The following GLCE variants were observed in gnomAD, a reference collection of about 807,000 sequenced individuals.
GLCE encodes glucuronic acid epimerase.
A neutral mutation model predicts 47.9 loss-of-function variants in GLCE; 19 were observed. That is an observed-to-expected ratio of 0.40 (90% CI 0.28 to 0.58). GLCE has a LOEUF of 0.58. GLCE is among the 20% of genes least tolerant of loss of function. The pLI, the probability that GLCE is intolerant of heterozygous loss-of-function variation, is 0.48. For missense variants in GLCE, 556 were observed against 743.3 expected, an observed-to-expected ratio of 0.75 and a Z score of 2.93; for synonymous variants, 245 against 263.4, an observed-to-expected ratio of 0.93 and a Z score of 0.68.
chr15:69,236,236 A>G (rs137975633), intron 2 of GLCE, among the ~76,000 whole-genome samples: 66 of 152,306 alleles, frequency 4.3e-4, no homozygotes, highest in African/African-American at 1.5e-3. Context: ...GTAACCATAC[A>G]TGTTCATAAC....
chr15:69,183,537 C>T (rs943437174), intron 1 of GLCE, among the ~76,000 whole-genome samples: 4 of 152,240 alleles, frequency 2.6e-5, no homozygotes, highest in South Asian at 2.1e-4. Context: ...ATGTGCTAGA[C>T]GCCATAACTC....
chr15:69,200,377 G>A (rs934991468), intron 1 of GLCE, among the ~76,000 whole-genome samples: 1 of 152,062 alleles, frequency 6.6e-6, no homozygotes, highest in Non-Finnish European at 1.5e-5. Context: ...TTTCAGTTTG[G>A]GTCCTTGGTA....
chr15:69,183,541 A>G (rs1212124906), intron 1 of GLCE, among the ~76,000 whole-genome samples: 3 of 152,260 alleles, frequency 2.0e-5, no homozygotes, highest in Non-Finnish European at 2.9e-5. Context: ...GCTAGACGCC[A>G]TAACTCATAC....
chr15:69,187,472 A>G (rs2051841328), intron 1 of GLCE, among the ~76,000 whole-genome samples: 1 of 152,180 alleles, frequency 6.6e-6, no homozygotes, highest in African/African-American at 2.4e-5. Context: ...AAACATTGAA[A>G]CATAGAGATT....
At chr15:69,218,293 T>C (rs2052334404) in intron 2 of GLCE, among the ~76,000 whole-genome samples, 1 of 152,020 alleles carries the variant, frequency 6.6e-6, no homozygotes, top group Non-Finnish European at 1.5e-5. Context: ...GTGGATTCCT[T>C]GAGCTCAGGA....
At chr15:69,166,597 A>T (rs749992419) in intron 1 of GLCE, among the ~76,000 whole-genome samples, 10 of 152,138 alleles carry the variant, frequency 6.6e-5, no homozygotes, top group Non-Finnish European at 1.3e-4. Context: ...TTTCTTTGTT[A>T]AGCTGGTTGT....
At chr15:69,189,769 A>G (rs545293240) in intron 1 of GLCE, among the ~76,000 whole-genome samples, 1 of 152,192 alleles carries the variant, frequency 6.6e-6, no homozygotes, top group East Asian at 1.9e-4. Flanking sequence ...CCTTCAGAAG[A>G]GGAGGACACA....
chr15:69,166,565 A>G (rs2051504467), intron 1 of GLCE, among the ~76,000 whole-genome samples: 1 of 152,178 alleles, frequency 6.6e-6, no homozygotes. Flanking sequence ...TGAAGATCAC[A>G]CAGTTAGTTG....
At chr15:69,211,372 T>C (rs989881709) in intron 2 of GLCE, among the ~76,000 whole-genome samples, 6 of 152,032 alleles carry the variant, frequency 3.9e-5, no homozygotes, top group Non-Finnish European at 7.4e-5. Context: ...AGAGTGATGA[T>C]TGTGTGTTTT....
At chr15:69,209,552 G>A (rs1047495807) in intron 1 of GLCE, among the ~76,000 whole-genome samples, 26 of 152,020 alleles carry the variant, frequency 1.7e-4, no homozygotes, top group African/African-American at 5.6e-4. Flanking sequence ...GAACTTGAGG[G>A]GTCGTCTGTT....
chr15:69,198,101 A>G (rs2052022111), intron 1 of GLCE, among the ~76,000 whole-genome samples: 1 of 152,008 alleles, frequency 6.6e-6, no homozygotes, highest in Admixed American at 6.6e-5. Flanking sequence ...TACCCCTCAC[A>G]TGTATACTTT....
At chr15:69,174,741 A>G (rs1385233969) in intron 1 of GLCE, among the ~76,000 whole-genome samples, 1 of 152,220 alleles carries the variant, frequency 6.6e-6, no homozygotes, top group Non-Finnish European at 1.5e-5. Context: ...TCCCTTACAC[A>G]AATCAGAGCT....
intron 2 of GLCE, among the ~76,000 whole-genome samples, chr15:69,253,581 TAAGA>T (rs2052879419): frequency 6.6e-6 from 1 of 152,036 alleles, no homozygotes; most frequent in African/African-American, 2.4e-5. Flanking sequence ...GTAAAACTAA[TAAGA>T]AAGAACTTTA....
chr15:69,269,083 T>C lies in GLCE; in HGVS notation c.1693T>C (p.Phe565Leu). The C allele has an allele frequency of 6.2e-7, 1 of 1,614,194 alleles. No individual in the cohort carries two copies. Among genetic ancestry groups the C allele is most frequent in the East Asian group, 2.2e-5 (1 of 44,878 alleles). Residue 565 changes from phenylalanine to leucine, a missense_variant, in exon 5 of 5, where the codon TTC becomes CTC. By Grantham distance (22) the Phe-to-Leu change is conservative. Transcript: ENST00000261858. ...AGGAACCATCTATGACCTCCGTCAC[T>C]TCATGCTTGGCATCGCTCCTAACCT... is the stretch of plus-strand genomic sequence containing the variant. ...GSGTIYDLRH[F>L]MLGIAPNLAR...
Position 69,268,216 on chromosome 15 carries a change from A to G in GLCE, c.830-4A>G, listed in dbSNP as rs753006828. The G allele has an allele frequency of 1.1e-5, 18 of 1,575,976 alleles. No homozygotes were observed. The highest frequency in any genetic ancestry group is 3.4e-4 in the Middle Eastern group (2 of 5,882). ...AGTCTTTGTTGGTATATTCTCCCCTACAGAAACCAGTGAAGGTGTATCCTT... is the reference window on the plus strand; with the variant it reads ...AGTCTTTGTTGGTATATTCTCCCCTGCAGAAACCAGTGAAGGTGTATCCTT... On this transcript the variant is annotated splice_polypyrimidine_tract_variant and splice_region_variant and intron_variant, in intron 4 of 4. Coordinates refer to ENST00000261858, the MANE Select transcript of GLCE (RefSeq NM_015554.3).
At chr15:69,162,522 C>T (rs553688175) in intron 1 of GLCE, among the ~76,000 whole-genome samples, 1 of 151,618 alleles carries the variant, frequency 6.6e-6, no homozygotes, top group East Asian at 1.9e-4. Flanking sequence ...CTGCCTTAGT[C>T]TTTTTCTTCG....
At chr15:69,171,264 A>G (rs2140329318) in intron 1 of GLCE, among the ~76,000 whole-genome samples, 1 of 152,344 alleles carries the variant, frequency 6.6e-6, no homozygotes, top group East Asian at 1.9e-4. Flanking sequence ...TGTCTCATAT[A>G]TAAAAGATAT....
chr15:69,176,213 C>CTTTTTT (rs1453986168), intron 1 of GLCE, among the ~76,000 whole-genome samples: 15 of 52,552 alleles, frequency 2.9e-4, no homozygotes, highest in Non-Finnish European at 6.2e-4. Context: ...TCAGTGGAAC[C>CTTTTTT]TTGTTTTTTT....
intron 2 of GLCE, among the ~76,000 whole-genome samples, chr15:69,240,919 A>T (rs2052662668): frequency 6.6e-6 from 1 of 152,230 alleles, no homozygotes. Context: ...ACACAATGGG[A>T]TAAAAACTTT....
Sources: allele counts gnomAD v4.1 joint callset (sites outside exome capture counted in the v4.1 genomes callset), GRCh38; gene constraint gnomAD v4.1.1; transcripts MANE v1.5; gene names NCBI Gene and HGNC (gene_info 2026-07-23, HGNC 2026-07-21).